The following ZNF589 variants were observed in gnomAD, a reference collection of about 807,000 sequenced individuals.
ZNF589 encodes the protein KRAB-zinc finger protein SZF1-1.
ZNF589 carries 17 observed loss-of-function variants against 13.6 expected under a neutral mutation model. The ratio of observed to expected loss-of-function variants is 1.25; its 90% CI spans 0.86 to 1.88. The LOEUF (loss-of-function observed/expected upper bound fraction) is 1.88, where lower values mean the gene tolerates loss of function less well. Ranked by LOEUF, ZNF589 falls within the 40% of genes most tolerant of loss-of-function variation. The probability of loss-of-function intolerance (pLI) is 0.00; values close to 1 mark genes in which losing one functional copy is unlikely to be tolerated. For synonymous variants in ZNF589, 148 were observed against 161.6 expected (o/e 0.92, Z 0.64); for missense variants, 407 against 434.0 (o/e 0.94, Z 0.55).
At chr3:48,244,950 G>T (rs2033744167) in intron 1 of ZNF589, among the ~76,000 whole-genome samples, 1 of 152,038 alleles carries the variant, frequency 6.6e-6, no homozygotes, top group African/African-American at 2.4e-5. Context: ...GAGAAGCTGG[G>T]ATTACAGGCA....
In ZNF589 at chr3:48,268,067, C is replaced by T; in HGVS notation, c.376C>T (p.Gln126Ter). 6.2e-7 allele frequency: 1 copy of T among 1,614,220 alleles called. No homozygotes were observed. The highest frequency in any genetic ancestry group is 2.2e-5 in the East Asian group (1 of 44,876). Reference protein sequence around the residue: ...LHPGNPCPEDQPQSQHPSDKN... With the variant: ...LHPGNPCPED ...CCCAGGAAATCCCTGCCCAGAGGAT[C>T]AGCCACAGTCACAACATCCTTCTGA... Residue 126 changes from glutamine to a stop codon, truncating the protein, a stop_gained, in exon 4 of 4, where the codon CAG becomes TAG. Transcript: ENST00000354698. LOFTEE classifies it low-confidence loss of function (END_TRUNC).
intron 2 of ZNF589, among the ~76,000 whole-genome samples, chr3:48,260,147 G>A (rs1309685391): frequency 6.6e-6 from 1 of 152,074 alleles, no homozygotes; most frequent in African/African-American, 2.4e-5. Flanking sequence ...TATGGTGTAT[G>A]TTTTTTTGAG....
Position 48,268,755 on chromosome 3 carries a change from C to G in ZNF589, c.1064C>G (p.Thr355Arg). The G allele has an allele frequency of 6.2e-7, 1 of 1,613,770 alleles. No individual in the cohort carries two copies. The highest frequency in any genetic ancestry group is 8.5e-7 in the Non-Finnish European group (1 of 1,179,826). The change falls in exon 4 of 4, where the codon ACG becomes AGG. Residue 355 changes from threonine (T) to arginine (R), a missense_variant. By Grantham distance (71) the Thr-to-Arg change is moderately conservative (BLOSUM62 -1). Transcript: ENST00000354698. ...SELIKHQRIH[T>R]GDKPYVCRD ...CTCATTAAGCACCAGAGAATTCACA[C>G]GGGGGATAAGCCTTATGTGTGCAGA...
intron 2 of ZNF589, among the ~76,000 whole-genome samples, chr3:48,258,480 A>G (rs983915780): frequency 6.6e-6 from 1 of 152,130 alleles, no homozygotes; most frequent in African/African-American, 2.4e-5. Flanking sequence ...GGGTAATTTT[A>G]TCTCTTCCTT....
At chr3:48,256,613 C>A in intron 2 of ZNF589, 1 of 828,710 alleles carries the variant, frequency 1.2e-6, no homozygotes, top group South Asian at 1.4e-5. Flanking sequence ...GTTCTCTTCC[C>A]GTCATAGGCC....
rs949255924 is a variant in ZNF589, at chr3:48,247,538, C to A, written c.44-87C>A. ...GGTCAGCTGAGAAGGCTCAGGTGGCCACAGCCAAGGCTCAGAGGGCTCTTG... is the reference window on the plus strand; with the variant it reads ...GGTCAGCTGAGAAGGCTCAGGTGGCAACAGCCAAGGCTCAGAGGGCTCTTG... On this transcript the variant is annotated intron_variant, in intron 1 of 3. Transcript: ENST00000354698. The A allele has an allele frequency of 2.0e-6, 3 of 1,509,628 alleles. No homozygotes were observed. The African/African-American group carries it at 4.2e-5, about 21-fold the overall frequency. The allele number at this position is 1,509,628 out of a possible 1,614,324, so 93.5% of individuals were successfully genotyped here.
At chr3:48,265,363 G>C (rs1404048286) in intron 3 of ZNF589, among the ~76,000 whole-genome samples, 1 of 127,478 alleles carries the variant, frequency 7.8e-6, no homozygotes, top group African/African-American at 3.0e-5. Context: ...TCGGCTCACT[G>C]CAACCTCCAC....
chr3:48,245,879 G>A (rs1370255935), intron 1 of ZNF589, among the ~76,000 whole-genome samples: 3 of 151,970 alleles, frequency 2.0e-5, no homozygotes, highest in Non-Finnish European at 2.9e-5. Context: ...CCCAGGAGGC[G>A]GAGGTTGCAG....
rs745415968 is a variant in ZNF589, at chr3:48,267,904, T to A, written c.224-11T>A. The A allele has an allele frequency of 3.1e-6, 5 of 1,594,364 alleles. No individual in the cohort carries two copies. The highest frequency in any genetic ancestry group is 1.1e-5 in the South Asian group (1 of 89,558). ...CTATGACTCTTCTGACTGGAAACTT[T>A]CTTTCTTCAGCAGAATCAAAGCCAG... On this transcript the variant is annotated splice_polypyrimidine_tract_variant and intron_variant, in intron 3 of 3. Coordinates refer to ENST00000354698, the MANE Select transcript of ZNF589 (RefSeq NM_016089.3).
rs1397242838 is a variant in ZNF589, at chr3:48,270,749, G to A, written c.*1963G>A. The A allele has an allele frequency of 6.1e-6, 1 of 165,020 alleles. No individual in the cohort carries two copies. Among genetic ancestry groups the A allele is most frequent in the African/African-American group, 2.4e-5 (1 of 41,690 alleles). The allele number at this position is 165,020 out of a possible 1,614,324, so 10.2% of individuals were successfully genotyped here. Reference sequence around the variant, plus strand: ...GATGCTAGAGAGGAAAAAGGACTTGGAGAGAGAGAAGGAATGGCTGGTCCA... The same window carrying A: ...GATGCTAGAGAGGAAAAAGGACTTGAAGAGAGAGAAGGAATGGCTGGTCCA... On this transcript the variant is annotated 3_prime_UTR_variant, in exon 4 of 4. Transcript: ENST00000354698.
In ZNF589 at chr3:48,268,008, C is replaced by T. The variant is rs767789205; in HGVS notation, c.317C>T (p.Pro106Leu). 6.2e-7 allele frequency: 1 copy of T among 1,614,086 alleles called. No individual in the cohort carries two copies. Among genetic ancestry groups the T allele is most frequent in the African/African-American group, 1.3e-5 (1 of 74,938 alleles). ...AGCCAAGATGAGCTACACAATCATC[C>T]TATTCCAGGTTTCCATGCAGGAAAT... ...FLSQDELHNH[P>L]IPGFHAGNQL... Residue 106 changes from proline (P) to leucine (L), a missense_variant, in exon 4 of 4, where the codon CCT becomes CTT. By Grantham distance (98) the Pro-to-Leu change is moderately conservative. Coordinates refer to ENST00000354698, the MANE Select transcript of ZNF589 (RefSeq NM_016089.3).
chr3:48,269,171 C>T lies in ZNF589; in HGVS notation c.*385C>T, dbSNP rs2034060501. Reference sequence around the variant, plus strand: ...CGCTCTTAGTGTACATCAGAGGATACACTCTGGGGAGAAGCCTTATGCATG... The same window carrying T: ...CGCTCTTAGTGTACATCAGAGGATATACTCTGGGGAGAAGCCTTATGCATG... On this transcript the variant is annotated 3_prime_UTR_variant, in exon 4 of 4. Coordinates refer to ENST00000354698, the MANE Select transcript of ZNF589 (RefSeq NM_016089.3). 5 of 996,726 alleles carry T rather than the reference C, an allele frequency of 5.0e-6. No individual in the cohort carries two copies. Among genetic ancestry groups the T allele is most frequent in the Non-Finnish European group, 6.0e-6 (4 of 664,422 alleles). 61.7% of individuals were successfully genotyped at this position (996,726 alleles called of 1,614,324 possible).
chr3:48,246,105 G>C (rs566639344), intron 1 of ZNF589, among the ~76,000 whole-genome samples: 31 of 152,148 alleles, frequency 2.0e-4, no homozygotes, highest in Admixed American at 5.9e-4. Flanking sequence ...TTAAGGTCGG[G>C]AGTTCGAGAC....
intron 2 of ZNF589, among the ~76,000 whole-genome samples, chr3:48,250,020 C>G (rs1272279579): frequency 6.6e-6 from 1 of 151,614 alleles, no homozygotes; most frequent in Non-Finnish European, 1.5e-5. Context: ...CCCAGTTACT[C>G]AGGAGGCTGA....
At chr3:48,252,139 AG>A (rs1295978605) in intron 2 of ZNF589, among the ~76,000 whole-genome samples, 1 of 152,024 alleles carries the variant, frequency 6.6e-6, no homozygotes, top group Non-Finnish European at 1.5e-5. Context: ...CTAATGTAGT[AG>A]CTTTATGGTG....
Position 48,247,662 on chromosome 3 carries a change from G to A in ZNF589, c.81G>A (p.Glu27=). ...PAKDSAWPWE[E]KPRYLGPVTF... is the part of the protein sequence containing the mutation. ...AGGATTCTGCCTGGCCCTGGGAAGA[G>A]AAGCCTAGATATCTGGTGAGTTGGG... is the stretch of plus-strand genomic sequence containing the variant. Residue 27 remains glutamate (E), a synonymous_variant, in exon 2 of 4, where the codon GAG becomes GAA. Coordinates refer to ENST00000354698, the MANE Select transcript of ZNF589 (RefSeq NM_016089.3). 1 of 1,613,208 alleles carries A rather than the reference G, an allele frequency of 6.2e-7. No individual in the cohort carries two copies. The highest frequency in any genetic ancestry group is 8.5e-7 in the Non-Finnish European group (1 of 1,179,494).
At chr3:48,245,000 A>G (rs1017971517) in intron 1 of ZNF589, among the ~76,000 whole-genome samples, 5 of 151,916 alleles carry the variant, frequency 3.3e-5, no homozygotes, top group African/African-American at 1.2e-4. Flanking sequence ...TTTTTGGTAG[A>G]GATGGGGTTT....
intron 2 of ZNF589, 41 bp from the exon 3 acceptor site, chr3:48,260,772 T>G (rs774066309): frequency 1.2e-6 from 2 of 1,613,200 alleles, no homozygotes; most frequent in Admixed American, 1.7e-5. Flanking sequence ...CTGTGAATCT[T>G]AATGGTGACT....
At chr3:48,242,956 C>G (rs112529003) in intron 1 of ZNF589, among the ~76,000 whole-genome samples, 6,372 of 151,810 alleles carry the variant, frequency 0.042, 447 homozygotes, top group African/African-American at 0.14. Context: ...CACCTGTAAT[C>G]CCAGCTACTC....
Sources: gnomAD v4.1 joint callset for allele counts (sites outside exome capture counted in the v4.1 genomes callset) on GRCh38, gnomAD v4.1.1 for gene constraint, MANE v1.5 for transcripts, NCBI Gene and HGNC (gene_info 2026-07-23, HGNC 2026-07-21) for gene names.